MBNL2: variants seen among roughly 807,000 people sequenced by gnomAD.
MBNL2 encodes muscleblind like splicing regulator 2.
MBNL2 carries 17 observed loss-of-function variants against 41.9 expected under a neutral mutation model. The ratio of observed to expected loss-of-function variants is 0.41; its 90% CI spans 0.28 to 0.61. The LOEUF is 0.61. MBNL2 is among the 20% of genes least tolerant of loss of function. The probability of loss-of-function intolerance (pLI) is 0.35; values close to 1 mark genes in which losing one functional copy is unlikely to be tolerated. For synonymous variants in MBNL2, 195 were observed against 182.9 expected, an observed-to-expected ratio of 1.07 and a Z score of -0.53; for missense variants, 336 against 505.6, an observed-to-expected ratio of 0.66 and a Z score of 3.22.
At chr13:97,201,789 A>G in the MBNL2 span, among the ~76,000 whole-genome samples, 1 of 152,188 alleles carries the variant, frequency 6.6e-6, no homozygotes. Context: ...CAATACTTGA[A>G]CCTAAACTTT....
the MBNL2 span, among the ~76,000 whole-genome samples, chr13:97,203,365 C>T: frequency 6.6e-6 from 1 of 152,116 alleles, no homozygotes; most frequent in African/African-American, 2.4e-5. Context: ...AGGCGCAAGT[C>T]TTTATTATAT....
intron 2 of MBNL2, among the ~76,000 whole-genome samples, chr13:97,318,407 TTC>T (rs2059231911): frequency 6.6e-6 from 1 of 152,198 alleles, no homozygotes; most frequent in African/African-American, 2.4e-5. Context: ...CAGGCCTCAG[TTC>T]TCTGTCTGTC....
At chr13:97,170,089 C>T in the MBNL2 span, among the ~76,000 whole-genome samples, 330 of 152,338 alleles carry the variant, frequency 2.2e-3, no homozygotes, top group Non-Finnish European at 3.9e-3. Context: ...TCTGACACTG[C>T]ACTTCATAGG....
At chr13:97,222,974 C>G (rs532887389) in intron 1 of MBNL2, among the ~76,000 whole-genome samples, 2 of 152,056 alleles carry the variant, frequency 1.3e-5, no homozygotes, top group African/African-American at 4.8e-5. Flanking sequence ...TTTGGCCAAA[C>G]GTATGTGTCT....
chr13:97,197,166 A>G, the MBNL2 span, among the ~76,000 whole-genome samples: 2 of 152,210 alleles, frequency 1.3e-5, no homozygotes, highest in Non-Finnish European at 2.9e-5. Flanking sequence ...CTCTAGTTGA[A>G]GTAACAAATG....
At chr13:97,156,437 T>G in the MBNL2 span, among the ~76,000 whole-genome samples, 1 of 143,126 alleles carries the variant, frequency 7.0e-6, no homozygotes. Flanking sequence ...TTGTTGCCAT[T>G]GCTTTTGGTG....
At chr13:97,336,987 A>G (rs2060940536) in intron 3 of MBNL2, among the ~76,000 whole-genome samples, 1 of 152,040 alleles carries the variant, frequency 6.6e-6, no homozygotes, top group Non-Finnish European at 1.5e-5. Context: ...TGTCCTCCAT[A>G]TTACCAAACC....
At chr13:97,257,238 G>C (rs2047727639) in intron 1 of MBNL2, among the ~76,000 whole-genome samples, 1 of 151,686 alleles carries the variant, frequency 6.6e-6, no homozygotes, top group Non-Finnish European at 1.5e-5. Context: ...AAGGAGGTCA[G>C]ACCAGTTTAA....
intron 8 of MBNL2, 132 bp from the exon 9 acceptor site, chr13:97,391,190 A>T (rs557265312): frequency 1.6e-6 from 1 of 606,794 alleles, no homozygotes; most frequent in South Asian, 2.0e-5. Flanking sequence ...CAAATTTATA[A>T]TTGCATCAAA....
chr13:97,207,887 T>A, the MBNL2 span, among the ~76,000 whole-genome samples: 2 of 152,194 alleles, frequency 1.3e-5, no homozygotes, highest in Admixed American at 6.5e-5. Context: ...GTGGGAGAAG[T>A]TGGCCAAAAC....
intron 7 of MBNL2, among the ~76,000 whole-genome samples, chr13:97,358,996 G>A (rs1178929714): frequency 6.6e-6 from 1 of 152,006 alleles, no homozygotes; most frequent in Non-Finnish European, 1.5e-5. Flanking sequence ...GGTTTTCAGT[G>A]TTTTTTTCTT....
intron 1 of MBNL2, among the ~76,000 whole-genome samples, chr13:97,272,843 T>C (rs2051348544): frequency 6.6e-6 from 1 of 152,242 alleles, no homozygotes; most frequent in Non-Finnish European, 1.5e-5. Context: ...AATAAATACT[T>C]AATTTTAAGC....
intron 2 of MBNL2, among the ~76,000 whole-genome samples, chr13:97,288,143 C>G (rs1302864581): frequency 1.3e-5 from 2 of 151,642 alleles, no homozygotes; most frequent in Non-Finnish European, 2.9e-5. Context: ...AATGCCTTTA[C>G]TTGGCAAAAA....
At chr13:97,329,711 A>C (rs1449731051) in intron 2 of MBNL2, among the ~76,000 whole-genome samples, 2 of 134 alleles carry the variant, frequency 0.015, no homozygotes, top group Non-Finnish European at 0.029. Context: ...CATGCAGCAC[A>C]CATACAACAT....
chr13:97,193,734 C>T, the MBNL2 span, among the ~76,000 whole-genome samples: 1 of 152,088 alleles, frequency 6.6e-6, no homozygotes, highest in Non-Finnish European at 1.5e-5. Flanking sequence ...ACCACAGTGG[C>T]TGAGACTTTA....
chr13:97,359,127 A>G (rs1398814538), intron 7 of MBNL2, among the ~76,000 whole-genome samples: 1 of 152,242 alleles, frequency 6.6e-6, no homozygotes, highest in East Asian at 1.9e-4. Context: ...CAGTGCTGTT[A>G]CAGCATAGCA....
At chr13:97,257,169 T>C (rs994900935) in intron 1 of MBNL2, among the ~76,000 whole-genome samples, 1 of 151,982 alleles carries the variant, frequency 6.6e-6, no homozygotes, top group African/African-American at 2.4e-5. Flanking sequence ...TTTTTTTTTT[T>C]CTTCCTCATT....
At chr13:97,331,465 T>A (rs1225636294) in intron 2 of MBNL2, among the ~76,000 whole-genome samples, 1 of 152,210 alleles carries the variant, frequency 6.6e-6, no homozygotes, top group Non-Finnish European at 1.5e-5. Flanking sequence ...ACATATCTTA[T>A]TATATTTAAA....
At chr13:97,258,098 AAGGGGCGGT>A (rs919628507) in intron 1 of MBNL2, among the ~76,000 whole-genome samples, 10 of 152,164 alleles carry the variant, frequency 6.6e-5, no homozygotes, top group African/African-American at 2.4e-4. Flanking sequence ...CAAGTAAAGG[AAGGGGCGGT>A]AGGATGCAGG....
Sources: allele counts gnomAD v4.1 joint callset (sites outside exome capture counted in the v4.1 genomes callset), GRCh38; gene constraint gnomAD v4.1.1; transcripts MANE v1.5; gene names NCBI Gene and HGNC (gene_info 2026-07-23, HGNC 2026-07-21).